The following TENM2 variants were observed in gnomAD, a reference collection of about 807,000 sequenced individuals.
TENM2 encodes the protein teneurin transmembrane protein 2, also known as teneurin-2.
A neutral mutation model predicts 245.2 loss-of-function variants in TENM2; 52 were observed. That is an observed-to-expected ratio of 0.21 (90% CI 0.17 to 0.27). The LOEUF is 0.27. Among genes scored for constraint, TENM2 ranks in the 10% least tolerant of loss-of-function variants. TENM2 has a pLI of 1.00. For missense variants in TENM2, 3,046 were observed against 3,666.8 expected, an observed-to-expected ratio of 0.83 and a Z score of 4.37; for synonymous variants, 1,363 against 1,438.9, an observed-to-expected ratio of 0.95 and a Z score of 1.19.
intron 2 of TENM2, among the ~76,000 whole-genome samples, chr5:167,868,580 T>A (rs540542326): frequency 6.6e-6 from 1 of 151,652 alleles, no homozygotes; most frequent in East Asian, 1.9e-4. Flanking sequence ...CTACTAAAAA[T>A]CCAAATATTA....
intron 2 of TENM2, among the ~76,000 whole-genome samples, chr5:167,834,171 G>A (rs1227965863): frequency 1.3e-5 from 2 of 152,218 alleles, no homozygotes; most frequent in Non-Finnish European, 2.9e-5. Context: ...ATGTGATAGA[G>A]AGTAACAGGT....
intron 2 of TENM2, among the ~76,000 whole-genome samples, chr5:167,759,840 G>A (rs1333693402): frequency 2.6e-5 from 4 of 152,212 alleles, no homozygotes; most frequent in Non-Finnish European, 5.9e-5. Flanking sequence ...TTACAAAGGT[G>A]CTGACAAACC....
At chr5:167,882,329 C>T (rs1372860393) in intron 3 of TENM2, among the ~76,000 whole-genome samples, 1 of 152,158 alleles carries the variant, frequency 6.6e-6, no homozygotes, top group East Asian at 1.9e-4. Flanking sequence ...ATTTACCATT[C>T]CCTTCAGGTG....
At chr5:167,115,343 C>T in the TENM2 span, among the ~76,000 whole-genome samples, 2 of 152,158 alleles carry the variant, frequency 1.3e-5, no homozygotes, top group Non-Finnish European at 2.9e-5. Context: ...ATTTCATCTC[C>T]TTTAAAAGAT....
At chr5:167,631,169 GA>G (rs974387393) in intron 2 of TENM2, among the ~76,000 whole-genome samples, 6 of 150,472 alleles carry the variant, frequency 4.0e-5, no homozygotes, top group African/African-American at 7.3e-5. Context: ...TTACAGTTGA[GA>G]AAAAAAAAGT....
chr5:167,932,709 A>G (rs980228979), intron 3 of TENM2, among the ~76,000 whole-genome samples: 2 of 152,110 alleles, frequency 1.3e-5, no homozygotes, highest in Non-Finnish European at 2.9e-5. Context: ...GAAGATCCAG[A>G]TAGAAAATAT....
At chr5:168,254,926 G>C (rs912633341) in intron 27 of TENM2, among the ~76,000 whole-genome samples, 2 of 151,906 alleles carry the variant, frequency 1.3e-5, no homozygotes, top group Non-Finnish European at 2.9e-5. Flanking sequence ...GCGTGCCTGT[G>C]ATCCCAGCTA....
chr5:167,580,669 T>C (rs983437532), intron 2 of TENM2, among the ~76,000 whole-genome samples: 3 of 152,240 alleles, frequency 2.0e-5, no homozygotes, highest in African/African-American at 7.2e-5. Flanking sequence ...AGGGAGCAGA[T>C]TTCTGTCTAC....
intron 1 of TENM2, among the ~76,000 whole-genome samples, chr5:167,363,742 A>AAG (rs1554139806): frequency 2.7e-4 from 41 of 150,780 alleles, no homozygotes; most frequent in East Asian, 7.8e-4. Context: ...AAAAAAAAAA[A>AAG]AAAAGAAAAG....
the TENM2 span, among the ~76,000 whole-genome samples, chr5:167,133,756 T>A: frequency 3.3e-5 from 5 of 152,222 alleles, no homozygotes; most frequent in East Asian, 9.7e-4. Flanking sequence ...GGTCTCAACT[T>A]ACACTTGTGT....
intron 2 of TENM2, among the ~76,000 whole-genome samples, chr5:167,381,773 A>G (rs1761109670): frequency 6.6e-6 from 1 of 152,160 alleles, no homozygotes; most frequent in Non-Finnish European, 1.5e-5. Context: ...TAAAAATTGT[A>G]GAAAGCTAGA....
At chr5:167,647,738 G>A (rs891872180) in intron 2 of TENM2, among the ~76,000 whole-genome samples, 4 of 152,076 alleles carry the variant, frequency 2.6e-5, no homozygotes, top group Non-Finnish European at 5.9e-5. Context: ...AATAATGCAC[G>A]ACTGCCCTGG....
At chr5:167,166,871 G>C in the TENM2 span, among the ~76,000 whole-genome samples, 1 of 152,118 alleles carries the variant, frequency 6.6e-6, no homozygotes, top group Admixed American at 6.6e-5. Context: ...TATTTCTCAG[G>C]AATCTCAAAC....
At chr5:166,983,707 C>T in the TENM2 span, among the ~76,000 whole-genome samples, 1 of 152,050 alleles carries the variant, frequency 6.6e-6, no homozygotes, top group African/African-American at 2.4e-5. Context: ...GCTAAAGAAC[C>T]ACCTCTGTCT....
At chr5:167,834,907 C>T (rs1768847847) in intron 2 of TENM2, among the ~76,000 whole-genome samples, 1 of 152,164 alleles carries the variant, frequency 6.6e-6, no homozygotes, top group Admixed American at 6.5e-5. Context: ...GCCTCGGCCT[C>T]CCAAAGTGCT....
At chr5:167,361,659 T>G (rs1002316249) in intron 1 of TENM2, among the ~76,000 whole-genome samples, 1 of 152,248 alleles carries the variant, frequency 6.6e-6, no homozygotes, top group African/African-American at 2.4e-5. Context: ...TGAACAGTAT[T>G]ATTTAGCACA....
intron 2 of TENM2, among the ~76,000 whole-genome samples, chr5:167,773,984 G>A (rs139715748): frequency 5.9e-4 from 90 of 152,160 alleles, no homozygotes; most frequent in Admixed American, 3.7e-3. Context: ...AAGGGTTCTC[G>A]ACTGTGATTC....
At chr5:168,167,596 G>A (rs1222653703) in intron 13 of TENM2, among the ~76,000 whole-genome samples, 2 of 152,086 alleles carry the variant, frequency 1.3e-5, no homozygotes, top group African/African-American at 2.4e-5. Context: ...CCGTCACCCC[G>A]CATCACTTTC....
chr5:167,020,988 C>CA, the TENM2 span, among the ~76,000 whole-genome samples: 2 of 151,920 alleles, frequency 1.3e-5, no homozygotes, highest in African/African-American at 4.8e-5. Context: ...TACTAAAATA[C>CA]AAAAAATTAG....
Sources: gnomAD v4.1 joint callset for allele counts (sites outside exome capture counted in the v4.1 genomes callset) on GRCh38, gnomAD v4.1.1 for gene constraint, MANE v1.5 for transcripts, NCBI Gene and HGNC (gene_info 2026-07-23, HGNC 2026-07-21) for gene names.